KCNIP4: variants seen among roughly 807,000 people sequenced by gnomAD.
The protein encoded by KCNIP4 is potassium voltage-gated channel interacting protein 4, also known as Kv channel-interacting protein 4.
KCNIP4 carries 12 observed loss-of-function variants against 34.0 expected under a neutral mutation model. The ratio of observed to expected loss-of-function variants is 0.35; its 90% CI spans 0.23 to 0.57. The LOEUF is 0.57. Among genes scored for constraint, KCNIP4 ranks in the 20% least tolerant of loss-of-function variants. The pLI, the probability that KCNIP4 is intolerant of heterozygous loss-of-function variation, is 0.83. For missense variants in KCNIP4, 238 were observed against 311.7 expected (o/e 0.76, Z 1.78); for synonymous variants, 124 against 102.2 (o/e 1.21, Z -1.29).
intron 1 of KCNIP4, among the ~76,000 whole-genome samples, chr4:21,378,043 T>TCAAA (rs10626591): frequency 0.86 from 131,197 of 151,714 alleles, 56,917 homozygotes; most frequent in Non-Finnish European, 0.9. Flanking sequence ...ACTAACTTGT[T>TCAAA]CATTCACTTC....
chr4:21,624,133 C>T (rs551103648), intron 1 of KCNIP4, among the ~76,000 whole-genome samples: 2 of 151,934 alleles, frequency 1.3e-5, no homozygotes, highest in Non-Finnish European at 2.9e-5. Flanking sequence ...TCAGACAGAC[C>T]GAAGAAACTT....
intron 1 of KCNIP4, among the ~76,000 whole-genome samples, chr4:21,820,626 CA>C (rs1722302029): frequency 1.3e-5 from 2 of 152,034 alleles, no homozygotes; most frequent in African/African-American, 4.8e-5. Context: ...TGACCTTAAT[CA>C]AATGTAATTT....
chr4:21,527,278 T>G (rs1736046788), intron 1 of KCNIP4, among the ~76,000 whole-genome samples: 1 of 152,188 alleles, frequency 6.6e-6, no homozygotes, highest in Non-Finnish European at 1.5e-5. Flanking sequence ...TCAGTTATTC[T>G]GATATTGTTC....
intron 3 of KCNIP4, among the ~76,000 whole-genome samples, chr4:20,783,004 C>T (rs1757000637): frequency 6.6e-6 from 1 of 152,174 alleles, no homozygotes; most frequent in African/African-American, 2.4e-5. Context: ...TCATCTCTCT[C>T]AAGCTCAAAG....
intron 1 of KCNIP4, among the ~76,000 whole-genome samples, chr4:21,105,405 A>T (rs1179049841): frequency 6.6e-6 from 1 of 151,624 alleles, no homozygotes; most frequent in Non-Finnish European, 1.5e-5. Context: ...TTTGTCTGTT[A>T]TTGGTGTATA....
At chr4:21,802,798 A>G (rs34825575) in intron 1 of KCNIP4, among the ~76,000 whole-genome samples, 1 of 152,000 alleles carries the variant, frequency 6.6e-6, no homozygotes, top group African/African-American at 2.4e-5. Context: ...GATATCATAC[A>G]TATCATCACA....
intron 1 of KCNIP4, among the ~76,000 whole-genome samples, chr4:21,340,863 C>A (rs528487972): frequency 6.6e-6 from 1 of 151,990 alleles, no homozygotes; most frequent in South Asian, 2.1e-4. Context: ...ATTACACAGT[C>A]TATATTCTAT....
chr4:21,332,294 AT>A (rs898456419), intron 1 of KCNIP4, among the ~76,000 whole-genome samples: 70 of 149,394 alleles, frequency 4.7e-4, no homozygotes, highest in African/African-American at 1.4e-3. Flanking sequence ...AAGGATTCTG[AT>A]TTTTTTTTAT....
chr4:21,016,376 G>A (rs1253937282), intron 1 of KCNIP4, among the ~76,000 whole-genome samples: 1 of 150,018 alleles, frequency 6.7e-6, no homozygotes, highest in African/African-American at 2.5e-5. Context: ...TCAGCACACT[G>A]CAAGCTCTGC....
At chr4:21,593,121 G>GTGTT (rs1742354702) in intron 1 of KCNIP4, among the ~76,000 whole-genome samples, 1 of 56,196 alleles carries the variant, frequency 1.8e-5, no homozygotes, top group African/African-American at 6.2e-5. Context: ...GTGTGTGTTT[G>GTGTT]TGTGTGTGTG....
At chr4:20,994,916 G>C (rs989950342) in intron 1 of KCNIP4, among the ~76,000 whole-genome samples, 1 of 152,074 alleles carries the variant, frequency 6.6e-6, no homozygotes, top group East Asian at 1.9e-4. Context: ...GGAAATGGGG[G>C]GCTTTATCCT....
intron 3 of KCNIP4, among the ~76,000 whole-genome samples, chr4:20,840,274 ATTCTT>A (rs1422739188): frequency 1.3e-5 from 2 of 152,078 alleles, no homozygotes; most frequent in Non-Finnish European, 2.9e-5. Flanking sequence ...TTTGCTTTGC[ATTCTT>A]TTGTTGTAAT....
intron 1 of KCNIP4, among the ~76,000 whole-genome samples, chr4:21,643,864 TGATGATGATAGATAGATAGATA>T (rs1267891275): frequency 3.1e-5 from 3 of 97,506 alleles, no homozygotes; most frequent in Admixed American, 9.6e-5. Flanking sequence ...TAGGTGATGA[TGATGATGATAGATAGATAGATA>T]GATAGATAGA....
intron 1 of KCNIP4, among the ~76,000 whole-genome samples, chr4:21,436,191 T>C (rs1046400556): frequency 2.0e-5 from 3 of 152,196 alleles, no homozygotes; most frequent in Non-Finnish European, 4.4e-5. Flanking sequence ...AAGAAAATCA[T>C]GTGTTTGCAT....
intron 1 of KCNIP4, among the ~76,000 whole-genome samples, chr4:21,556,930 A>AAAAAAAAAAAAAAAAAAAAC (rs1553903108): frequency 0.021 from 2,248 of 107,088 alleles, 208 homozygotes; most frequent in Non-Finnish European, 0.032. Flanking sequence ...CAGAAAAAAA[A>AAAAAAAAAAAAAAAAAAAAC]AAAAAAAAAA....
intron 1 of KCNIP4, among the ~76,000 whole-genome samples, chr4:21,801,803 G>T (rs1425233786): frequency 1.3e-5 from 2 of 151,504 alleles, no homozygotes; most frequent in Non-Finnish European, 2.9e-5. Context: ...TTTTATAGCT[G>T]CACAGCACCA....
chr4:21,485,360 C>G (rs1479895207), intron 1 of KCNIP4, among the ~76,000 whole-genome samples: 1 of 152,170 alleles, frequency 6.6e-6, no homozygotes, highest in Non-Finnish European at 1.5e-5. Flanking sequence ...TCTCTAAAAC[C>G]TGGCTCTTGT....
At chr4:21,625,180 T>C (rs1236491897) in intron 1 of KCNIP4, among the ~76,000 whole-genome samples, 1 of 152,086 alleles carries the variant, frequency 6.6e-6, no homozygotes, top group Non-Finnish European at 1.5e-5. Flanking sequence ...AATAATAATA[T>C]ACATTAAACA....
At chr4:21,041,021 G>A (rs1396844685) in intron 1 of KCNIP4, among the ~76,000 whole-genome samples, 1 of 150,712 alleles carries the variant, frequency 6.6e-6, no homozygotes, top group Non-Finnish European at 1.5e-5. Context: ...TACTTTTATT[G>A]GTGCAGTTTG....
Sources: allele counts gnomAD v4.1 joint callset (sites outside exome capture counted in the v4.1 genomes callset), GRCh38; gene constraint gnomAD v4.1.1; transcripts MANE v1.5; gene names NCBI Gene and HGNC (gene_info 2026-07-23, HGNC 2026-07-21).